RERE: variants seen among roughly 807,000 people sequenced by gnomAD.
RERE encodes the protein arginine-glutamic acid dipeptide repeats protein.
In RERE, 40 loss-of-function variants were observed where a neutral mutation model predicts 146.1. The ratio of observed to expected loss-of-function variants is 0.27; its 90% CI spans 0.21 to 0.36. The LOEUF (loss-of-function observed/expected upper bound fraction) is 0.36, where lower values mean the gene tolerates loss of function less well. RERE is among the 10% of genes least tolerant of loss of function. The pLI, the probability that RERE is intolerant of heterozygous loss-of-function variation, is 1.00. For missense variants in RERE, 1,933 were observed against 2,138.7 expected (o/e 0.90, Z 1.90); for synonymous variants, 1,003 against 866.0 (o/e 1.16, Z -2.78).
intron 4 of RERE, among the ~76,000 whole-genome samples, chr1:8,601,626 CCACACACACACACACACA>C (rs3082094): frequency 3.9e-4 from 37 of 94,978 alleles, no homozygotes; most frequent in Admixed American, 3.1e-3. Flanking sequence ...TCCAAGGTCA[CCACACACACACACACACA>C]CACACACACA....
chr1:8,568,570 G>A (rs936413016), intron 4 of RERE, among the ~76,000 whole-genome samples: 2 of 152,146 alleles, frequency 1.3e-5, no homozygotes, highest in African/African-American at 4.8e-5. Flanking sequence ...ATAAAAACCA[G>A]GTTGGCTCTC....
chr1:8,804,976 CA>C (rs1266733699), intron 1 of RERE, among the ~76,000 whole-genome samples: 2 of 146,532 alleles, frequency 1.4e-5, no homozygotes, highest in East Asian at 4.0e-4. Context: ...TTTACTTTTT[CA>C]AATGATTTTT....
At chr1:8,669,745 C>T (rs2124370238) in intron 1 of RERE, among the ~76,000 whole-genome samples, 1 of 152,254 alleles carries the variant, frequency 6.6e-6, no homozygotes, top group East Asian at 1.9e-4. Context: ...CTCTGTATAG[C>T]ATGTTCAAAA....
chr1:8,420,336 T>C (rs1164719484), intron 12 of RERE, among the ~76,000 whole-genome samples: 2 of 152,086 alleles, frequency 1.3e-5, no homozygotes, highest in African/African-American at 2.4e-5. Context: ...GAAAAGTATC[T>C]ATATTAGAGG....
At chr1:8,483,459 C>CA (rs1259923357) in intron 10 of RERE, among the ~76,000 whole-genome samples, 1 of 152,096 alleles carries the variant, frequency 6.6e-6, no homozygotes, top group East Asian at 1.9e-4. Flanking sequence ...AAAAATCTGA[C>CA]AAAAATTCTA....
At position 8,354,955 on chromosome 1, in the gene RERE, G is replaced by T. The variant is rs1394187090; in HGVS notation, c.*132C>A. 4.1e-6 allele frequency: 3 copies of T among 733,302 alleles called. No individual in the cohort carries two copies. Among genetic ancestry groups the T allele is most frequent in the East Asian group, 2.7e-5 (1 of 37,246 alleles). 45.4% of individuals were successfully genotyped at this position (733,302 alleles called of 1,614,324 possible). A position where few individuals can be genotyped will look rare whatever the true frequency, so the allele number is the denominator to read the frequency against. On this transcript the variant is annotated 3_prime_UTR_variant, in exon 23 of 23. Coordinates refer to ENST00000400908, the MANE Select transcript of RERE (RefSeq NM_001042681.2). ...ACTATGTGGATACATTTTTAGTTGTGGGTTTTTAAATATATAAAGAAATCT... is the reference window on the plus strand; with the variant it reads ...ACTATGTGGATACATTTTTAGTTGTTGGTTTTTAAATATATAAAGAAATCT...
intron 2 of RERE, among the ~76,000 whole-genome samples, chr1:8,635,508 G>C (rs573462892): frequency 6.6e-6 from 1 of 152,336 alleles, no homozygotes; most frequent in East Asian, 1.9e-4. Flanking sequence ...ATTCACAACA[G>C]ACTTCGTTCA....
chr1:8,609,335 C>G (rs775995545), intron 4 of RERE, among the ~76,000 whole-genome samples: 1 of 152,110 alleles, frequency 6.6e-6, no homozygotes, highest in Non-Finnish European at 1.5e-5. Flanking sequence ...ATGCCAGTAG[C>G]AGTCAGCCTT....
At chr1:8,516,354 C>T (rs1317001337) in intron 7 of RERE, among the ~76,000 whole-genome samples, 1 of 151,596 alleles carries the variant, frequency 6.6e-6, no homozygotes, top group Non-Finnish European at 1.5e-5. Flanking sequence ...CATTATTCCA[C>T]GACAACTCTA....
intron 12 of RERE, among the ~76,000 whole-genome samples, chr1:8,384,120 C>T (rs988761930): frequency 1.3e-5 from 2 of 152,098 alleles, no homozygotes; most frequent in African/African-American, 2.4e-5. Flanking sequence ...TACAATCAAC[C>T]GCCTCACCCC....
At chr1:8,451,711 C>A (rs965859421) in intron 11 of RERE, among the ~76,000 whole-genome samples, 2 of 152,162 alleles carry the variant, frequency 1.3e-5, no homozygotes, top group Admixed American at 1.3e-4. Flanking sequence ...TCCAGTAGTT[C>A]TCAGGGCCTG....
chr1:8,709,154 T>C (rs1057177088), intron 1 of RERE, among the ~76,000 whole-genome samples: 3 of 152,000 alleles, frequency 2.0e-5, no homozygotes, highest in Non-Finnish European at 4.4e-5. Flanking sequence ...TCTCCTGACC[T>C]CATGATCTGC....
chr1:8,770,316 T>A (rs552858058), intron 1 of RERE, among the ~76,000 whole-genome samples: 62 of 151,850 alleles, frequency 4.1e-4, no homozygotes, highest in Admixed American at 6.6e-4. Flanking sequence ...TAAAAAAAAA[T>A]TTTTTTTTAA....
chr1:8,732,767 T>C (rs1051029349), intron 1 of RERE, among the ~76,000 whole-genome samples: 3 of 151,282 alleles, frequency 2.0e-5, no homozygotes, highest in African/African-American at 7.3e-5. Flanking sequence ...TATGTGTGTG[T>C]GTGGGAACTA....
intron 11 of RERE, among the ~76,000 whole-genome samples, chr1:8,458,895 C>T (rs79208872): frequency 0.013 from 2,012 of 152,280 alleles, 44 homozygotes; most frequent in African/African-American, 0.046. Context: ...TTTGAAATAT[C>T]TCTTCCCTTC....
intron 10 of RERE, among the ~76,000 whole-genome samples, chr1:8,474,074 C>T (rs1644724158): frequency 6.6e-6 from 1 of 152,194 alleles, no homozygotes; most frequent in African/African-American, 2.4e-5. Context: ...TCTCACTCTG[C>T]CTGACAAATC....
intron 1 of RERE, among the ~76,000 whole-genome samples, chr1:8,769,468 G>A (rs901772539): frequency 6.6e-6 from 1 of 152,038 alleles, no homozygotes; most frequent in African/African-American, 2.4e-5. Flanking sequence ...CACTATAAAG[G>A]ATGTAAAACA....
At chr1:8,641,285 A>ATAGAGTATAACAGAT (rs1647173017) in intron 2 of RERE, among the ~76,000 whole-genome samples, 1 of 152,220 alleles carries the variant, frequency 6.6e-6, no homozygotes, top group African/African-American at 2.4e-5. Flanking sequence ...TACAAAACTG[A>ATAGAGTATAACAGAT]TAGAGTATAA....
chr1:8,667,122 G>C (rs560431952), intron 1 of RERE, among the ~76,000 whole-genome samples: 1 of 152,258 alleles, frequency 6.6e-6, no homozygotes, highest in East Asian at 1.9e-4. Context: ...AAACAACTGA[G>C]AGAACTAAGA....
Sources: gnomAD v4.1 joint callset for allele counts (sites outside exome capture counted in the v4.1 genomes callset) on GRCh38, gnomAD v4.1.1 for gene constraint, MANE v1.5 for transcripts, NCBI Gene and HGNC (gene_info 2026-07-23, HGNC 2026-07-21) for gene names.